The following ST8SIA2 variants were observed in gnomAD, a reference collection of about 807,000 sequenced individuals.
ST8SIA2 encodes alpha-2,8-sialyltransferase 8B.
ST8SIA2 carries 22 observed loss-of-function variants against 37.6 expected under a neutral mutation model. The ratio of observed to expected loss-of-function variants is 0.58; its 90% CI spans 0.42 to 0.83. The LOEUF (loss-of-function observed/expected upper bound fraction) is 0.83, where lower values mean the gene tolerates loss of function less well. Among genes scored for constraint, ST8SIA2 ranks in the 40% least tolerant of loss-of-function variants. The pLI, the probability that ST8SIA2 is intolerant of heterozygous loss-of-function variation, is 0.00. For missense variants in ST8SIA2, 382 were observed against 484.7 expected (o/e 0.79, Z 1.99); for synonymous variants, 205 against 201.2 (o/e 1.02, Z -0.16).
intron 1 of ST8SIA2, among the ~76,000 whole-genome samples, chr15:92,414,190 G>A (rs1356916728): frequency 6.6e-6 from 1 of 152,190 alleles, no homozygotes; most frequent in Non-Finnish European, 1.5e-5. Context: ...CAAGAAGGAA[G>A]GCATAGGAAT....
chr15:92,455,627 T>A (rs531799747), intron 5 of ST8SIA2, among the ~76,000 whole-genome samples: 196 of 152,346 alleles, frequency 1.3e-3, no homozygotes, highest in African/African-American at 4.6e-3. Flanking sequence ...CACAGCTGAC[T>A]GGCAGTCCAC....
intron 1 of ST8SIA2, among the ~76,000 whole-genome samples, chr15:92,416,739 G>C (rs2049590047): frequency 6.6e-6 from 1 of 152,222 alleles, no homozygotes; most frequent in East Asian, 1.9e-4. Flanking sequence ...ATTGTGGGCA[G>C]GCCTTGCCCA....
intron 5 of ST8SIA2, among the ~76,000 whole-genome samples, chr15:92,456,204 A>G (rs1168993969): frequency 1.3e-5 from 2 of 152,236 alleles, no homozygotes; most frequent in African/African-American, 4.8e-5. Flanking sequence ...CCCCAGTGCC[A>G]TACCTTTCTC....
intron 5 of ST8SIA2, among the ~76,000 whole-genome samples, chr15:92,449,114 C>T (rs890688445): frequency 1.3e-5 from 2 of 152,130 alleles, no homozygotes; most frequent in African/African-American, 4.8e-5. Flanking sequence ...GATCCCACCA[C>T]CCAGGCACTA....
At chr15:92,430,191 G>A (rs2049705343) in intron 2 of ST8SIA2, 80 bp downstream of exon 2, 3 of 1,384,876 alleles carry the variant, frequency 2.2e-6, no homozygotes. Flanking sequence ...GCTGGATGGT[G>A]CCCTTCTTAC....
chr15:92,451,519 C>T (rs1482277698), intron 5 of ST8SIA2, among the ~76,000 whole-genome samples: 2 of 152,176 alleles, frequency 1.3e-5, no homozygotes, highest in Non-Finnish European at 2.9e-5. Flanking sequence ...TGGTTTCGCT[C>T]TTCTCAATTT....
intron 4 of ST8SIA2, among the ~76,000 whole-genome samples, chr15:92,440,785 T>C (rs1365742135): frequency 6.6e-6 from 1 of 152,204 alleles, no homozygotes; most frequent in Non-Finnish European, 1.5e-5. Context: ...CTTGGTAATA[T>C]CCTACAGGCC....
At chr15:92,401,435 G>A (rs1390273591) in intron 1 of ST8SIA2, among the ~76,000 whole-genome samples, 1 of 152,218 alleles carries the variant, frequency 6.6e-6, no homozygotes, top group African/African-American at 2.4e-5. Flanking sequence ...GTGTCCTGAC[G>A]GGACCTGTGT....
chr15:92,435,778 C>T (rs1308361061), intron 3 of ST8SIA2, among the ~76,000 whole-genome samples: 2 of 152,122 alleles, frequency 1.3e-5, no homozygotes, highest in East Asian at 1.9e-4. Context: ...ATCCCCCTCA[C>T]GAAGCCCTAA....
intron 5 of ST8SIA2, among the ~76,000 whole-genome samples, chr15:92,462,496 AC>A (rs1021727396): frequency 6.6e-6 from 1 of 151,970 alleles, no homozygotes; most frequent in Admixed American, 6.6e-5. Flanking sequence ...TGTCCCTCCC[AC>A]CCCAACCTTT....
chr15:92,436,159 G>T (rs539652350), intron 3 of ST8SIA2, among the ~76,000 whole-genome samples: 1 of 152,218 alleles, frequency 6.6e-6, no homozygotes, highest in African/African-American at 2.4e-5. Flanking sequence ...AATTACATCC[G>T]CAAAGATGTT....
At chr15:92,408,949 C>T (rs2049529530) in intron 1 of ST8SIA2, among the ~76,000 whole-genome samples, 1 of 152,106 alleles carries the variant, frequency 6.6e-6, no homozygotes, top group South Asian at 2.1e-4. Context: ...CATGATCCGC[C>T]CGCCTTGGCC....
intron 2 of ST8SIA2, among the ~76,000 whole-genome samples, chr15:92,432,775 G>T (rs2049725101): frequency 6.6e-6 from 1 of 152,094 alleles, no homozygotes; most frequent in African/African-American, 2.4e-5. Context: ...AATGGAGGTG[G>T]GTGCATGAAG....
At chr15:92,396,630 A>G (rs914470880) in intron 1 of ST8SIA2, among the ~76,000 whole-genome samples, 1 of 151,862 alleles carries the variant, frequency 6.6e-6, no homozygotes, top group Non-Finnish European at 1.5e-5. Flanking sequence ...AGTAGCTGGG[A>G]TTACAGGCAC....
chr15:92,401,798 T>TTCC (rs373137462), intron 1 of ST8SIA2, among the ~76,000 whole-genome samples: 13 of 151,474 alleles, frequency 8.6e-5, no homozygotes, highest in African/African-American at 3.1e-4. Flanking sequence ...AGGGAAACAA[T>TTCC]TCCTCCTCCT....
chr15:92,434,461 T>C (rs2049740691), intron 3 of ST8SIA2, 86 bp downstream of exon 3: 1 of 1,587,132 alleles, frequency 6.3e-7, no homozygotes, highest in Non-Finnish European at 8.6e-7. Flanking sequence ...TCTAAAGAAG[T>C]CAGGATAGAA....
rs1390470619 is a variant in ST8SIA2 at position 92,465,757 on chromosome 15, T to C, written c.*1372T>C. ...CTTTTCCCCTTATTGAGATTAATATTTAAGATTAAAAAAAAAATACCCAAA... is the reference window on the plus strand; with the variant it reads ...CTTTTCCCCTTATTGAGATTAATATCTAAGATTAAAAAAAAAATACCCAAA... On this transcript the variant is annotated 3_prime_UTR_variant, in exon 6 of 6. Transcript: ENST00000268164. 1 of 151,930 alleles carries C rather than the reference T, an allele frequency of 6.6e-6. No homozygotes were observed. Among genetic ancestry groups the C allele is most frequent in the East Asian group, 1.9e-4 (1 of 5,194 alleles). The allele number at this position is 151,930 out of a possible 1,614,324, so 9.4% of individuals were successfully genotyped here.
At chr15:92,405,501 A>G (rs886846284) in intron 1 of ST8SIA2, among the ~76,000 whole-genome samples, 2 of 152,276 alleles carry the variant, frequency 1.3e-5, no homozygotes, top group East Asian at 1.9e-4. Context: ...TTTTCCCACA[A>G]TTGAAACACA....
At chr15:92,396,920 A>G (rs546752355) in intron 1 of ST8SIA2, among the ~76,000 whole-genome samples, 1 of 152,228 alleles carries the variant, frequency 6.6e-6, no homozygotes, top group East Asian at 1.9e-4. Context: ...TCCTCACCAT[A>G]TGCCTTCCTG....
Sources: allele counts gnomAD v4.1 joint callset (sites outside exome capture counted in the v4.1 genomes callset), GRCh38; gene constraint gnomAD v4.1.1; transcripts MANE v1.5; gene names NCBI Gene and HGNC (gene_info 2026-07-23, HGNC 2026-07-21).